MOV10L1: variants seen among roughly 807,000 people sequenced by gnomAD.
The protein encoded by MOV10L1 is Mov10 like RNA helicase 1, also known as RNA helicase Mov10l1.
In MOV10L1, 110 loss-of-function variants were observed where a neutral mutation model predicts 143.8. The observed-to-expected ratio is 0.76, with a 90% CI of 0.66 to 0.90. MOV10L1 has a LOEUF of 0.90. Ranked by LOEUF, MOV10L1 falls within the 40% of genes least tolerant of loss-of-function variation. MOV10L1 has a pLI of 0.00. For synonymous variants in MOV10L1, 593 were observed against 581.1 expected (o/e 1.02, Z -0.29); for missense variants, 1,406 against 1,526.8 (o/e 0.92, Z 1.32).
rs771392448 is a variant in MOV10L1 at position 50,160,823 on chromosome 22, C to T, written c.3460C>T (p.Arg1154Ter). 20 of 1,613,760 alleles carry T rather than the reference C, an allele frequency of 1.2e-5. No individual in the cohort carries two copies. The highest frequency in any genetic ancestry group is 1.5e-5 in the Non-Finnish European group (18 of 1,179,912). Residue 1154 changes from arginine (R) to a stop codon, truncating the protein, a stop_gained and splice_region_variant, in exon 25 of 27, where the codon CGA becomes TGA. Coordinates refer to ENST00000262794, the MANE Select transcript of MOV10L1 (RefSeq NM_018995.3). LOFTEE classifies it high-confidence loss of function. ...IVLGNPHVLV[R>*]DPCFGALLEY... The stretch of plus-strand genomic sequence containing the variant: ...GCTGGGAAACCCCCATGTTCTCGTT[C>T]GAGTGAGTTTTCAGGCACTGGGTGG...
intron 3 of MOV10L1, among the ~76,000 whole-genome samples, chr22:50,100,137 G>T (rs1225761982): frequency 6.6e-6 from 1 of 151,746 alleles, no homozygotes; most frequent in African/African-American, 2.4e-5. Context: ...GATTACAGGT[G>T]TGCACCACCA....
In MOV10L1 at chr22:50,160,618, A is replaced by G. The variant is rs1429742810; in HGVS notation, c.3325-70A>G. 10 of 1,527,078 alleles carry G rather than the reference A, an allele frequency of 6.5e-6. No homozygotes were observed. In the South Asian group the frequency reaches 9.9e-5, roughly 15 times the overall value. 94.6% of individuals were successfully genotyped at this position (1,527,078 alleles called of 1,614,324 possible). Reference sequence around the variant, plus strand: ...TTAACATTTTTAAATGTTTTTATATATCAAGAGTTTCTCTTCATGCCCCCC... The same window carrying G: ...TTAACATTTTTAAATGTTTTTATATGTCAAGAGTTTCTCTTCATGCCCCCC... On this transcript the variant is annotated intron_variant, in intron 24 of 26. Coordinates refer to ENST00000262794, the MANE Select transcript of MOV10L1 (RefSeq NM_018995.3).
Position 50,152,943 on chromosome 22 carries a change from G to T in MOV10L1, c.2893-102G>T. On this transcript the variant is annotated intron_variant, in intron 21 of 26. Coordinates refer to ENST00000262794, the MANE Select transcript of MOV10L1 (RefSeq NM_018995.3). This position sits in a 1 kb window ranked among gnomAD's most constrained non-coding sequence, Gnocchi z 4.4. ...CGCAGGAGCAGAGTCAGGCTTGGAA[G>T]TCAGGCAGGCCTCACGTTTGCTGTG... The T allele has an allele frequency of 8.1e-7, 1 of 1,235,016 alleles. No homozygotes were observed. Among genetic ancestry groups the T allele is most frequent in the East Asian group, 2.4e-5 (1 of 42,400 alleles). 76.5% of individuals were successfully genotyped at this position (1,235,016 alleles called of 1,614,324 possible).
At chr22:50,100,843 T>C (rs2061727895) in intron 3 of MOV10L1, among the ~76,000 whole-genome samples, 1 of 152,228 alleles carries the variant, frequency 6.6e-6, no homozygotes, top group Non-Finnish European at 1.5e-5. Flanking sequence ...TTTTGGCTGA[T>C]CAAAGGATTT....
At chr22:50,090,856 T>C (rs1262167853) in intron 1 of MOV10L1, 1 of 284,930 alleles carries the variant, frequency 3.5e-6, no homozygotes, top group Non-Finnish European at 6.9e-6. Context: ...TTTGTATTTT[T>C]AGTCGAGGGG....
chr22:50,148,802 T>C (rs968603816), intron 19 of MOV10L1, among the ~76,000 whole-genome samples: 10 of 152,128 alleles, frequency 6.6e-5, no homozygotes, highest in African/African-American at 2.4e-5. Context: ...TAGCTGGGAC[T>C]ACAGGCGCCC....
chr22:50,158,302 G>GAGC lies in MOV10L1; in HGVS notation c.3216+105_3216+107dup, dbSNP rs997296869. On this transcript the variant is annotated intron_variant, in intron 23 of 26. Transcript: ENST00000262794. This position sits in a 1 kb window ranked among gnomAD's most constrained non-coding sequence, Gnocchi z 5.0. ...ACAGAGGCAGGAACAAGCTCCTTGT[G>GAGC]AGCAGCAGCAGGTTTTTAAAGGGGC... The GAGC allele has an allele frequency of 6.7e-7, 1 of 1,481,596 alleles. No individual in the cohort carries two copies. Among genetic ancestry groups the GAGC allele is most frequent in the Non-Finnish European group, 9.2e-7 (1 of 1,089,190 alleles). The allele number at this position is 1,481,596 out of a possible 1,614,324, so 91.8% of individuals were successfully genotyped here. A position where few individuals can be genotyped will look rare whatever the true frequency, so the allele number is the denominator to read the frequency against.
intron 12 of MOV10L1, among the ~76,000 whole-genome samples, chr22:50,126,715 C>T (rs1398740224): frequency 6.6e-6 from 1 of 152,116 alleles, no homozygotes; most frequent in Admixed American, 6.5e-5. Context: ...TGGTCATGTA[C>T]TGGTCATAGC....
chr22:50,108,366 C>G (rs1267561782), intron 4 of MOV10L1, 118 bp downstream of exon 4: 1 of 991,750 alleles, frequency 1.0e-6, no homozygotes, highest in East Asian at 2.6e-5. Context: ...AAAGCTTTGT[C>G]ATGGCCAAAG....
intron 1 of MOV10L1, 152 bp downstream of exon 1, chr22:50,090,337 C>T (rs2062395637): frequency 4.7e-6 from 7 of 1,485,446 alleles, no homozygotes; most frequent in African/African-American, 1.4e-5. Flanking sequence ...GATCCCCGTT[C>T]GCCTCAGGAG....
chr22:50,114,369 G>A lies in MOV10L1; in HGVS notation c.885-12G>A. The A allele has an allele frequency of 1.9e-6, 3 of 1,611,302 alleles. No individual in the cohort carries two copies. The highest frequency in any genetic ancestry group is 2.5e-6 in the Non-Finnish European group (3 of 1,178,170). On this transcript the variant is annotated splice_polypyrimidine_tract_variant and intron_variant, in intron 6 of 26. Coordinates refer to ENST00000262794, the MANE Select transcript of MOV10L1 (RefSeq NM_018995.3). ...ATCCTGGCTGTGTTCATAGTTAATT[G>A]TATTTTTCCAGGAATAAAGGAGACA... is the stretch of plus-strand genomic sequence containing the variant.
chr22:50,159,759 G>C lies in MOV10L1; in HGVS notation c.3298G>C (p.Glu1100Gln), dbSNP rs2063508750. The change falls in exon 24 of 27, where the codon GAG becomes CAG. Residue 1100 changes from glutamate to glutamine, a missense_variant. This residue lies in a region of MOV10L1 where 1,233 missense variants were observed against 1,351.4 expected (regional missense o/e 0.91). Coordinates refer to ENST00000262794, the MANE Select transcript of MOV10L1 (RefSeq NM_018995.3). This position sits in a 1 kb window ranked among gnomAD's most constrained non-coding sequence, Gnocchi z 4.1. ...VGSVEEFQGQEYLVIIISTVR... is the reference protein window; with the variant it reads ...VGSVEEFQGQQYLVIIISTVR... ...ATCAGTAGAGGAGTTTCAAGGACAA[G>C]AGTATCTGGTCATCATCATTTCGAC... 2 of 1,612,518 alleles carry C rather than the reference G, an allele frequency of 1.2e-6. No homozygotes were observed. Among genetic ancestry groups the C allele is most frequent in the South Asian group, 2.2e-5 (2 of 90,916 alleles).
At chr22:50,132,111 A>G (rs898529759) in intron 13 of MOV10L1, among the ~76,000 whole-genome samples, 12 of 152,214 alleles carry the variant, frequency 7.9e-5, no homozygotes, top group East Asian at 7.7e-4. Flanking sequence ...TGACCTAATC[A>G]CTTGCCAAAG....
intron 15 of MOV10L1, among the ~76,000 whole-genome samples, chr22:50,136,552 T>C (rs2062827870): frequency 6.6e-6 from 1 of 152,170 alleles, no homozygotes; most frequent in Admixed American, 6.5e-5. Context: ...ACAAATGAGG[T>C]GACCTCATGG....
intron 10 of MOV10L1, among the ~76,000 whole-genome samples, chr22:50,122,467 A>G (rs1199976175): frequency 6.6e-6 from 1 of 152,210 alleles, no homozygotes; most frequent in African/African-American, 2.4e-5. Flanking sequence ...AGTTTTCTAC[A>G]TATAAAATTA....
rs774775509 is a variant in MOV10L1, at chr22:50,120,594, C to G, written c.1547C>G (p.Thr516Ser). 2 of 1,611,894 alleles carry G rather than the reference C, an allele frequency of 1.2e-6. No homozygotes were observed. The highest frequency in any genetic ancestry group is 1.7e-6 in the Non-Finnish European group (2 of 1,178,164). The change falls in exon 10 of 27, where the codon ACT becomes AGT. Residue 516 changes from threonine (T) to serine (S), a missense_variant. By Grantham distance (58) the Thr-to-Ser change is moderately conservative. This residue lies in a region of MOV10L1 where 1,233 missense variants were observed against 1,351.4 expected (regional missense o/e 0.91). Coordinates refer to ENST00000262794, the MANE Select transcript of MOV10L1 (RefSeq NM_018995.3). Reference sequence around the variant, plus strand: ...GTGGAACAAAAAATTGACATCCTGACTTTCCAGCCATTACTTGCAGAGGTA... The same window carrying G: ...GTGGAACAAAAAATTGACATCCTGAGTTTCCAGCCATTACTTGCAGAGGTA... ...KCVEQKIDIL[T>S]FQPLLAELLN...
At chr22:50,092,435 C>A (rs1037633975) in intron 2 of MOV10L1, among the ~76,000 whole-genome samples, 1 of 152,002 alleles carries the variant, frequency 6.6e-6, no homozygotes, top group Non-Finnish European at 1.5e-5. Flanking sequence ...GTTAAGAGAC[C>A]AGCCTGGGCA....
chr22:50,146,994 A>G (rs1404760713), intron 19 of MOV10L1: 1 of 1,477,692 alleles, frequency 6.8e-7, no homozygotes, highest in African/African-American at 1.4e-5. Context: ...CGGATTGGAC[A>G]GCACGGATCT....
chr22:50,107,835 G>A (rs9617074), intron 3 of MOV10L1, among the ~76,000 whole-genome samples: 34,110 of 152,080 alleles, frequency 0.22, 4,188 homozygotes, highest in Admixed American at 0.35. Flanking sequence ...ACGGGGGAAG[G>A]GGGATGCCAC....
Sources: allele counts gnomAD v4.1 joint callset (sites outside exome capture counted in the v4.1 genomes callset), GRCh38; gene constraint gnomAD v4.1.1; regional missense constraint gnomAD v4.1.1; non-coding constraint Gnocchi (gnomAD v3.1); transcripts MANE v1.5; gene names NCBI Gene and HGNC (gene_info 2026-07-23, HGNC 2026-07-21).